The following GDPD4 variants were observed in gnomAD, a reference collection of about 807,000 sequenced individuals.
The protein encoded by GDPD4 is glycerophosphodiester phosphodiesterase domain containing 4, also known as glycerophosphodiester phosphodiesterase 6.
In GDPD4, 60 loss-of-function variants were observed where a neutral mutation model predicts 67.8. The ratio of observed to expected loss-of-function variants is 0.88; its 90% CI spans 0.72 to 1.10. The LOEUF (loss-of-function observed/expected upper bound fraction) is 1.10. Ranked by LOEUF, GDPD4 falls within the 50% of genes least tolerant of loss-of-function variation. The pLI is 0.00. For synonymous variants in GDPD4, 212 were observed against 210.9 expected (o/e 1.00, Z -0.04); for missense variants, 623 against 613.9 (o/e 1.01, Z -0.16).
intron 13 of GDPD4, among the ~76,000 whole-genome samples, chr11:77,241,888 G>A (rs868637882): frequency 6.6e-6 from 1 of 151,860 alleles, no homozygotes. Context: ...AGCCAAGATT[G>A]GGCCTTTGCA....
At chr11:77,254,456 G>C (rs1958963639) in intron 11 of GDPD4, among the ~76,000 whole-genome samples, 2 of 152,006 alleles carry the variant, frequency 1.3e-5, no homozygotes. Flanking sequence ...ATTAAAATAT[G>C]TTTTTTTATT....
At chr11:77,226,547 C>G (rs1958341986) in intron 16 of GDPD4, among the ~76,000 whole-genome samples, 2 of 152,156 alleles carry the variant, frequency 1.3e-5, no homozygotes, top group Admixed American at 1.3e-4. Context: ...TTGCCAGCAC[C>G]TTGATCTGGG....
At chr11:77,227,610 A>T (rs1003251008) in intron 16 of GDPD4, among the ~76,000 whole-genome samples, 1 of 152,236 alleles carries the variant, frequency 6.6e-6, no homozygotes, top group Admixed American at 6.5e-5. Context: ...ATATATGAAG[A>T]AGTAAACACC....
chr11:77,301,328 C>A (rs1445176582), intron 1 of GDPD4, among the ~76,000 whole-genome samples: 1 of 152,142 alleles, frequency 6.6e-6, no homozygotes, highest in Admixed American at 6.5e-5. Flanking sequence ...GATCAAAACC[C>A]AAGGGTTGCC....
chr11:77,293,195 A>G (rs917984315), intron 1 of GDPD4, among the ~76,000 whole-genome samples: 1 of 152,234 alleles, frequency 6.6e-6, no homozygotes, highest in African/African-American at 2.4e-5. Flanking sequence ...GTACAAACCA[A>G]TATCCCTTAC....
chr11:77,271,128 AC>A lies in GDPD4; in HGVS notation c.400+1del, dbSNP rs758515892. Reference sequence around the variant, plus strand: ...GGCAGGGTTCTGCCCTATGTGACATACCTTCTCTTTCCAAACATGCCACGTA... The same window carrying A: ...GGCAGGGTTCTGCCCTATGTGACATACTTCTCTTTCCAAACATGCCACGTA... On this transcript the variant is annotated splice_donor_variant, in intron 7 of 16. Coordinates refer to ENST00000315938, the MANE Select transcript of GDPD4 (RefSeq NM_182833.3). LOFTEE classifies it high-confidence loss of function. The A allele has an allele frequency of 1.3e-6, 2 of 1,596,948 alleles. No individual in the cohort carries two copies. The highest frequency in any genetic ancestry group is 1.1e-5 in the South Asian group (1 of 90,322).
intron 3 of GDPD4, among the ~76,000 whole-genome samples, chr11:77,280,206 T>C (rs1468426036): frequency 6.6e-6 from 1 of 152,014 alleles, no homozygotes; most frequent in Non-Finnish European, 1.5e-5. Context: ...AGAAAATATG[T>C]AAGGGATGTC....
chr11:77,218,275 T>C lies in GDPD4; in HGVS notation c.1526-961A>G, dbSNP rs573274888. Among the ~76,000 whole-genome samples the C allele has an allele frequency of 1.1e-4, 17 of 152,352 alleles. No individual in the cohort carries two copies. In the East Asian group the frequency reaches 3.3e-3, roughly 29 times the overall value. Reference sequence around the variant, plus strand: ...TTGTAGTTTTTAGTGATCAATCATATGCCTTCCCTTGTGAAGGCTTTTTTG... The same window carrying C: ...TTGTAGTTTTTAGTGATCAATCATACGCCTTCCCTTGTGAAGGCTTTTTTG... On this transcript the variant is annotated intron_variant, in intron 16 of 16. Transcript: ENST00000315938.
chr11:77,278,698 T>C (rs1283716651), intron 4 of GDPD4, among the ~76,000 whole-genome samples: 1 of 152,232 alleles, frequency 6.6e-6, no homozygotes, highest in Non-Finnish European at 1.5e-5. Context: ...TATGTATAAA[T>C]GGGCACTGCA....
rs58042628 is a variant in GDPD4 at position 77,259,567 on chromosome 11, CAAA to C, written c.708-1028_708-1026del. ...ATATTACTACAATCTCTGAGAAAAG[CAAA>C]AAAAAAAAAAATGACATAAGCAATT... On this transcript the variant is annotated intron_variant, in intron 10 of 16. Coordinates refer to ENST00000315938, the MANE Select transcript of GDPD4 (RefSeq NM_182833.3). Among the ~76,000 whole-genome samples the C allele has an allele frequency of 3.4e-3, 491 of 143,892 alleles. 1 individual carries two copies. Among genetic ancestry groups the C allele is most frequent in the African/African-American group, 0.012 (455 of 39,422 alleles). The allele number at this position is 143,892 out of a possible 152,430, so 94.4% of individuals were successfully genotyped here.
In GDPD4 at chr11:77,217,138, C is replaced by T; in HGVS notation, c.*139G>A. 2 of 747,644 alleles carry T rather than the reference C, an allele frequency of 2.7e-6. No individual in the cohort carries two copies. The highest frequency in any genetic ancestry group is 2.5e-6 in the Non-Finnish European group (1 of 405,506). The allele number at this position is 747,644 out of a possible 1,614,324, so 46.3% of individuals were successfully genotyped here. ...CAGCATTCTTGATAGGTAGTAGTTT[C>T]TTGGATGGTGCTGCAAAATTGAAAT... On this transcript the variant is annotated 3_prime_UTR_variant, in exon 17 of 17. Coordinates refer to ENST00000315938, the MANE Select transcript of GDPD4 (RefSeq NM_182833.3).
chr11:77,222,244 G>A lies in GDPD4; in HGVS notation c.1526-4930C>T, dbSNP rs578040380. On this transcript the variant is annotated intron_variant, in intron 16 of 16. Transcript: ENST00000315938. ...ACATTTAAGGTTAATATTCTTATCT[G>A]TGAATTTAATGCTGTCATTATGATG... Among the ~76,000 whole-genome samples the A allele has an allele frequency of 7.9e-5, 12 of 152,294 alleles. 1 individual carries two copies. Among genetic ancestry groups the A allele is most frequent in the African/African-American group, 2.6e-4 (11 of 41,556 alleles).
intron 10 of GDPD4, among the ~76,000 whole-genome samples, chr11:77,259,132 C>G (rs1261190944): frequency 6.6e-6 from 1 of 152,168 alleles, no homozygotes; most frequent in East Asian, 1.9e-4. Flanking sequence ...GCATGCACCA[C>G]AACACCTGGC....
chr11:77,217,364 C>T (rs748895145), intron 16 of GDPD4, 50 bp from the exon 17 acceptor site: 6 of 1,398,286 alleles, frequency 4.3e-6, no homozygotes, highest in East Asian at 2.3e-5. Context: ...TCTCCACTCT[C>T]TGTCAGTCAT....
intron 11 of GDPD4, among the ~76,000 whole-genome samples, chr11:77,252,324 A>G (rs574837187): frequency 9.9e-5 from 15 of 152,184 alleles, no homozygotes; most frequent in Middle Eastern, 3.4e-3. Flanking sequence ...TCGGCCTCCC[A>G]AAGTGCTAGG....
chr11:77,243,600 G>A (rs1016654558), intron 13 of GDPD4, 94 bp downstream of exon 13: 12 of 1,093,538 alleles, frequency 1.1e-5, no homozygotes, highest in Admixed American at 5.7e-5. Flanking sequence ...CAGAAATTCC[G>A]AGATGGAAAG....
chr11:77,292,373 AATCAAAAGGGAAATTAAAACCT>A (rs1937808304), intron 1 of GDPD4, among the ~76,000 whole-genome samples: 2 of 152,148 alleles, frequency 1.3e-5, no homozygotes, highest in South Asian at 4.1e-4. Flanking sequence ...AGTTAAAAAA[AATCAAAAGGGAAATTAAAACCT>A]TTTGAACTGA....
At chr11:77,227,734 CT>C in intron 16 of GDPD4, 129 bp downstream of exon 16, 15 of 588,454 alleles carry the variant, frequency 2.5e-5, no homozygotes, top group Non-Finnish European at 3.8e-5. Context: ...CCCCTGGTCC[CT>C]CCCCCAACCC....
intron 16 of GDPD4, among the ~76,000 whole-genome samples, chr11:77,218,206 A>ATGAT (rs1958161987): frequency 6.6e-6 from 1 of 151,994 alleles, no homozygotes; most frequent in Non-Finnish European, 1.5e-5. Context: ...ATTCATGAAC[A>ATGAT]TGATTGCTCC....
Sources: gnomAD v4.1 joint callset for allele counts (sites outside exome capture counted in the v4.1 genomes callset) on GRCh38, gnomAD v4.1.1 for gene constraint, MANE v1.5 for transcripts, NCBI Gene and HGNC (gene_info 2026-07-23, HGNC 2026-07-21) for gene names.